ABTB2: variants seen among roughly 807,000 people sequenced by gnomAD.
ABTB2 encodes ankyrin repeat and BTB/POZ domain-containing protein 2.
Under a neutral mutation model 104.1 loss-of-function variants are expected in ABTB2, and 56 were observed. That is an observed-to-expected ratio of 0.54 (90% CI 0.43 to 0.67). ABTB2 has a LOEUF of 0.67. Ranked by LOEUF, ABTB2 falls within the 30% of genes least tolerant of loss-of-function variation. The pLI, the probability that ABTB2 is intolerant of heterozygous loss-of-function variation, is 0.00. For missense variants in ABTB2, 1,279 were observed against 1,407.7 expected (o/e 0.91, Z 1.46); for synonymous variants, 606 against 608.2 (o/e 1.00, Z 0.05).
Position 34,154,181 on chromosome 11 carries a change from A to C in ABTB2, c.2880+84T>G. 1 of 1,071,914 alleles carries C rather than the reference A, an allele frequency of 9.3e-7. No homozygotes were observed. Among genetic ancestry groups the C allele is most frequent in the Non-Finnish European group, 1.4e-6 (1 of 707,998 alleles). The allele number at this position is 1,071,914 out of a possible 1,614,324, so 66.4% of individuals were successfully genotyped here. On this transcript the variant is annotated intron_variant, in intron 16 of 16. Transcript: ENST00000435224. This position sits in a 1 kb window ranked among gnomAD's most constrained non-coding sequence, Gnocchi z 4.9. Reference sequence around the variant, plus strand: ...CCTGGTCACCTGCATCTCCTAGCTCATCCCCAGTGCAGCCACACGGCCGAG... The same window carrying C: ...CCTGGTCACCTGCATCTCCTAGCTCCTCCCCAGTGCAGCCACACGGCCGAG...
chr11:34,250,376 T>C (rs1006952210), intron 1 of ABTB2, among the ~76,000 whole-genome samples: 2 of 152,220 alleles, frequency 1.3e-5, no homozygotes, highest in Non-Finnish European at 2.9e-5. Context: ...TGAAGATGTC[T>C]GGCATGTAGT....
intron 1 of ABTB2, among the ~76,000 whole-genome samples, chr11:34,240,873 G>A (rs1346698967): frequency 6.6e-6 from 1 of 152,152 alleles, no homozygotes; most frequent in African/African-American, 2.4e-5. Context: ...GGGATTACAG[G>A]TGTGAGCCAC....
intron 1 of ABTB2, among the ~76,000 whole-genome samples, chr11:34,249,533 C>T (rs760705119): frequency 6.7e-6 from 1 of 148,364 alleles, no homozygotes; most frequent in Non-Finnish European, 1.5e-5. Flanking sequence ...GAGGGCAGGC[C>T]TCCTGGCAGG....
intron 1 of ABTB2, among the ~76,000 whole-genome samples, chr11:34,232,777 T>C (rs1853789233): frequency 6.6e-6 from 1 of 151,774 alleles, no homozygotes; most frequent in South Asian, 2.1e-4. Flanking sequence ...TTGGGCAACA[T>C]AGTGGGACTC....
At chr11:34,340,739 T>C (rs899578470) in intron 1 of ABTB2, among the ~76,000 whole-genome samples, 3 of 152,208 alleles carry the variant, frequency 2.0e-5, no homozygotes, top group Non-Finnish European at 4.4e-5. Context: ...GCAGTAGCTG[T>C]CCAGGTGGCG....
chr11:34,353,118 C>T (rs1855419365), intron 1 of ABTB2, among the ~76,000 whole-genome samples: 1 of 152,208 alleles, frequency 6.6e-6, no homozygotes, highest in Non-Finnish European at 1.5e-5. Flanking sequence ...GCTTCAAACT[C>T]TCATGGTGAA....
intron 1 of ABTB2, among the ~76,000 whole-genome samples, chr11:34,319,591 A>G (rs879702004): frequency 3.9e-5 from 6 of 152,188 alleles, no homozygotes; most frequent in Non-Finnish European, 8.8e-5. Flanking sequence ...GTCACTCTTC[A>G]CACTGTGTGG....
At position 34,293,082 on chromosome 11, in the gene ABTB2, CA is replaced by C. The variant is rs1210732471; in HGVS notation, c.883+63618del. The stretch of plus-strand genomic sequence containing the variant: ...AGGGCTGTGCCTCAGACTAGAGCAA[CA>C]GCAGTGGAAACAGTGTTTTTTGAGG... On this transcript the variant is annotated intron_variant, in intron 1 of 16. Coordinates refer to ENST00000435224, the MANE Select transcript of ABTB2 (RefSeq NM_145804.3). Among the ~76,000 whole-genome samples the C allele has an allele frequency of 2.0e-5, 3 of 152,154 alleles. No homozygotes were observed. The East Asian group carries it at 5.8e-4, about 29-fold the overall frequency.
At chr11:34,285,372 G>A (rs979034986) in intron 1 of ABTB2, among the ~76,000 whole-genome samples, 5 of 152,262 alleles carry the variant, frequency 3.3e-5, no homozygotes, top group South Asian at 4.1e-4. Flanking sequence ...GACCTAGTGC[G>A]TGCTTTGCTC....
At chr11:34,174,094 G>A (rs1231159313) in intron 3 of ABTB2, among the ~76,000 whole-genome samples, 1 of 152,132 alleles carries the variant, frequency 6.6e-6, no homozygotes, top group Non-Finnish European at 1.5e-5. Flanking sequence ...CAGCACTTTG[G>A]GCGGCCAAGG....
chr11:34,164,676 G>A lies in ABTB2; in HGVS notation c.1988+10C>T, dbSNP rs188992822. On this transcript the variant is annotated intron_variant, in intron 9 of 16. Transcript: ENST00000435224. ...TCATGTCACACAGGGTGGGAATCCC[G>A]GGCAGGTACCTGTGGCCGTGGGCAG... 232 of 1,496,784 alleles carry A rather than the reference G, an allele frequency of 1.5e-4. No individual in the cohort carries two copies. In the African/African-American group the frequency reaches 2.2e-3, roughly 14 times the overall value. 92.7% of individuals were successfully genotyped at this position (1,496,784 alleles called of 1,614,324 possible). A position where few individuals can be genotyped will look rare whatever the true frequency, so the allele number is the denominator to read the frequency against.
chr11:34,321,848 T>C (rs762605819), intron 1 of ABTB2, among the ~76,000 whole-genome samples: 9 of 152,234 alleles, frequency 5.9e-5, no homozygotes, highest in Non-Finnish European at 1.0e-4. Context: ...CCTTGATGGC[T>C]TGAACTGGGT....
At chr11:34,328,212 C>T (rs940928382) in intron 1 of ABTB2, among the ~76,000 whole-genome samples, 19 of 152,342 alleles carry the variant, frequency 1.2e-4, no homozygotes, top group Admixed American at 1.0e-3. Flanking sequence ...ACACTGGCTT[C>T]AGCATTCAGG....
chr11:34,157,073 A>G (rs1292986895), intron 14 of ABTB2, among the ~76,000 whole-genome samples: 1 of 152,124 alleles, frequency 6.6e-6, no homozygotes, highest in African/African-American at 2.4e-5. Context: ...ATGAGAGTCA[A>G]TGCGGTATTT....
intron 3 of ABTB2, among the ~76,000 whole-genome samples, chr11:34,187,956 C>G (rs1025509632): frequency 6.6e-6 from 1 of 152,190 alleles, no homozygotes; most frequent in Non-Finnish European, 1.5e-5. Flanking sequence ...TTGAACACAA[C>G]GTGGTCTTTT....
At chr11:34,192,719 C>T (rs911572010) in intron 3 of ABTB2, among the ~76,000 whole-genome samples, 2 of 152,200 alleles carry the variant, frequency 1.3e-5, no homozygotes, top group African/African-American at 4.8e-5. Flanking sequence ...CTCTGCCTGG[C>T]CACTCCTCAA....
intron 1 of ABTB2, among the ~76,000 whole-genome samples, chr11:34,318,109 C>T (rs952125413): frequency 2.6e-5 from 4 of 151,942 alleles, no homozygotes; most frequent in Non-Finnish European, 5.9e-5. Context: ...TGGGACTACA[C>T]GCATGTGCCA....
chr11:34,341,418 G>A (rs1855261115), intron 1 of ABTB2, among the ~76,000 whole-genome samples: 1 of 152,128 alleles, frequency 6.6e-6, no homozygotes, highest in South Asian at 2.1e-4. Context: ...GAAATTTTTA[G>A]ACCTGTGAAA....
intron 1 of ABTB2, among the ~76,000 whole-genome samples, chr11:34,240,795 A>G (rs1210702121): frequency 2.6e-5 from 4 of 152,082 alleles, no homozygotes; most frequent in Non-Finnish European, 5.9e-5. Context: ...GGGTTTCACC[A>G]TGTTGGCCAG....
Sources: allele counts gnomAD v4.1 joint callset (sites outside exome capture counted in the v4.1 genomes callset), GRCh38; gene constraint gnomAD v4.1.1; non-coding constraint Gnocchi (gnomAD v3.1); transcripts MANE v1.5; gene names NCBI Gene and HGNC (gene_info 2026-07-23, HGNC 2026-07-21).